The following LRMDA variants were observed in gnomAD, a reference collection of about 807,000 sequenced individuals.
LRMDA encodes the protein leucine-rich melanocyte differentiation-associated protein.
LRMDA carries 18 observed loss-of-function variants against 29.8 expected under a neutral mutation model. That is an observed-to-expected ratio of 0.60 (90% confidence interval 0.42 to 0.90). The LOEUF is 0.90. Ranked by LOEUF, LRMDA falls within the 40% of genes least tolerant of loss-of-function variation. LRMDA has a pLI of 0.00. For synonymous variants in LRMDA, 125 were observed against 109.4 expected (o/e 1.14, Z -0.89); for missense variants, 273 against 273.9 (o/e 1.00, Z 0.02).
chr10:76,179,240 G>C (rs539214710), intron 5 of LRMDA, among the ~76,000 whole-genome samples: 4 of 152,104 alleles, frequency 2.6e-5, no homozygotes, highest in Admixed American at 6.5e-5. Context: ...ATCAAGGAGG[G>C]GGGGGTGGTG....
chr10:75,523,981 C>T (rs1406622771), intron 2 of LRMDA, among the ~76,000 whole-genome samples: 1 of 152,208 alleles, frequency 6.6e-6, no homozygotes, highest in Non-Finnish European at 1.5e-5. Flanking sequence ...CTTTTTATCA[C>T]TCCGAGCTTT....
At chr10:75,531,432 CAG>C (rs1845476211) in intron 2 of LRMDA, among the ~76,000 whole-genome samples, 2 of 152,168 alleles carry the variant, frequency 1.3e-5, no homozygotes, top group African/African-American at 4.8e-5. Context: ...TTAGGGTCAG[CAG>C]AGTCTGAGCA....
intron 1 of LRMDA, among the ~76,000 whole-genome samples, chr10:75,433,283 C>T (rs1030848424): frequency 3.3e-5 from 5 of 152,186 alleles, no homozygotes; most frequent in African/African-American, 1.2e-4. Context: ...TCCTGTGCTT[C>T]CTTTCCCTTT....
chr10:75,554,983 C>T (rs1201727133), intron 2 of LRMDA, among the ~76,000 whole-genome samples: 1 of 152,126 alleles, frequency 6.6e-6, no homozygotes, highest in Non-Finnish European at 1.5e-5. Flanking sequence ...TTGTTCTCCT[C>T]CATAGGAGAT....
intron 5 of LRMDA, among the ~76,000 whole-genome samples, chr10:76,289,203 C>T (rs1398602111): frequency 6.6e-6 from 1 of 152,112 alleles, no homozygotes; most frequent in Non-Finnish European, 1.5e-5. Context: ...CAGAGCCTTC[C>T]TCAATGAGGG....
intron 2 of LRMDA, among the ~76,000 whole-genome samples, chr10:75,555,180 T>C (rs1215546660): frequency 1.3e-5 from 2 of 152,114 alleles, no homozygotes; most frequent in Admixed American, 6.6e-5. Context: ...AACCACACTT[T>C]TCTTACATGA....
At chr10:76,363,176 A>AGAAAGAAAGAAAGAAAGAAAGAAG (rs1459442138) in intron 6 of LRMDA, among the ~76,000 whole-genome samples, 1 of 21,794 alleles carries the variant, frequency 4.6e-5, no homozygotes, top group African/African-American at 1.4e-4. Context: ...AAAGAAAGAA[A>AGAAAGAAAGAAAGAAAGAAAGAAG]GGAGGGAGGG....
chr10:75,842,454 C>T (rs546356058), intron 2 of LRMDA, among the ~76,000 whole-genome samples: 32 of 152,134 alleles, frequency 2.1e-4, no homozygotes, highest in Non-Finnish European at 3.2e-4. Context: ...TGTTTGCTGA[C>T]CTCTGGTCTA....
At chr10:75,655,066 T>C (rs1377523969) in intron 2 of LRMDA, among the ~76,000 whole-genome samples, 7 of 152,368 alleles carry the variant, frequency 4.6e-5, no homozygotes, top group Non-Finnish European at 8.8e-5. Flanking sequence ...GTGTGTTTGT[T>C]ATCATGAAAA....
At chr10:76,276,116 T>A (rs1291500584) in intron 5 of LRMDA, among the ~76,000 whole-genome samples, 2 of 151,876 alleles carry the variant, frequency 1.3e-5, no homozygotes, top group African/African-American at 4.8e-5. Context: ...TTTTGTTCAT[T>A]CTGTCTTTCT....
intron 6 of LRMDA, among the ~76,000 whole-genome samples, chr10:76,382,449 G>A (rs765395757): frequency 2.9e-4 from 44 of 151,832 alleles, no homozygotes; most frequent in Non-Finnish European, 5.6e-4. Context: ...CATGCTGTCT[G>A]TTTCACTTAA....
chr10:75,730,578 A>G (rs1475521504), intron 2 of LRMDA, among the ~76,000 whole-genome samples: 1 of 152,110 alleles, frequency 6.6e-6, no homozygotes, highest in African/African-American at 2.4e-5. Context: ...CTCTCATCCC[A>G]CTTCCTGTCT....
intron 2 of LRMDA, among the ~76,000 whole-genome samples, chr10:75,503,809 G>A (rs147268168): frequency 6.6e-6 from 1 of 152,058 alleles, no homozygotes; most frequent in Non-Finnish European, 1.5e-5. Context: ...AAGAACCTGA[G>A]AGAGGGAGAA....
intron 5 of LRMDA, among the ~76,000 whole-genome samples, chr10:76,171,128 C>A (rs1414518812): frequency 6.6e-6 from 1 of 152,148 alleles, no homozygotes; most frequent in Non-Finnish European, 1.5e-5. Context: ...GGTTTTAAAA[C>A]CCCTTGTCCC....
At chr10:75,481,731 A>G (rs541402012) in intron 2 of LRMDA, among the ~76,000 whole-genome samples, 265 of 152,288 alleles carry the variant, frequency 1.7e-3, no homozygotes, top group African/African-American at 6.2e-3. Context: ...ACTCTTTGAC[A>G]TGGTTCTGCT....
intron 6 of LRMDA, among the ~76,000 whole-genome samples, chr10:76,520,039 C>A (rs74660582): frequency 0.012 from 1,787 of 152,042 alleles, 26 homozygotes; most frequent in African/African-American, 0.04. Flanking sequence ...ATTGTATATC[C>A]CTAGAGATTG....
At chr10:76,054,889 C>T (rs140133313) in intron 4 of LRMDA, among the ~76,000 whole-genome samples, 11 of 150,812 alleles carry the variant, frequency 7.3e-5, no homozygotes, top group South Asian at 6.3e-4. Flanking sequence ...CATGGTGAAA[C>T]GCTGTCTCTA....
chr10:75,627,899 T>C (rs970501790), intron 2 of LRMDA, among the ~76,000 whole-genome samples: 2 of 152,206 alleles, frequency 1.3e-5, no homozygotes, highest in African/African-American at 4.8e-5. Flanking sequence ...AAAATAATCA[T>C]GTTTGCAATT....
chr10:75,492,140 G>A (rs1007847199), intron 2 of LRMDA, among the ~76,000 whole-genome samples: 1 of 152,214 alleles, frequency 6.6e-6, no homozygotes, highest in Non-Finnish European at 1.5e-5. Flanking sequence ...GAGAGCCTAC[G>A]AGTAATTTCT....
Sources: gnomAD v4.1 joint callset for allele counts (sites outside exome capture counted in the v4.1 genomes callset) on GRCh38, gnomAD v4.1.1 for gene constraint, MANE v1.5 for transcripts, NCBI Gene and HGNC (gene_info 2026-07-23, HGNC 2026-07-21) for gene names.